The following DENND1A variants were observed in gnomAD, a reference collection of about 807,000 sequenced individuals.
DENND1A encodes DENN domain-containing protein 1A.
Under a neutral mutation model 113.7 loss-of-function variants are expected in DENND1A, and 51 were observed. That is an observed-to-expected ratio of 0.45 (90% CI 0.36 to 0.57). DENND1A has a LOEUF of 0.57. Among genes scored for constraint, DENND1A ranks in the 20% least tolerant of loss-of-function variants. The pLI is 0.00. For missense variants in DENND1A, 1,258 were observed against 1,395.9 expected (o/e 0.90, Z 1.57); for synonymous variants, 565 against 570.8 (o/e 0.99, Z 0.14).
At chr9:123,769,410 A>G (rs980588706) in intron 4 of DENND1A, 104 bp downstream of exon 4, 8 of 1,057,818 alleles carry the variant, frequency 7.6e-6, no homozygotes, top group South Asian at 7.1e-5. Context: ...GGTATCTTAA[A>G]TCATGGTTAA....
intron 1 of DENND1A, among the ~76,000 whole-genome samples, chr9:123,927,708 A>C (rs1165342697): frequency 6.6e-6 from 1 of 152,204 alleles, no homozygotes; most frequent in Admixed American, 6.5e-5. Flanking sequence ...AGAGATAAGC[A>C]AGAGAAAACA....
At chr9:123,383,587 TG>T (rs2042397505) in intron 23 of DENND1A, 67 bp downstream of exon 23, 2 of 1,557,774 alleles carry the variant, frequency 1.3e-6, no homozygotes, top group Non-Finnish European at 1.7e-6. Context: ...CACTGTCACA[TG>T]GGGATCCCAC....
At chr9:123,715,180 C>CAA (rs34230918) in intron 5 of DENND1A, among the ~76,000 whole-genome samples, 1 of 148,110 alleles carries the variant, frequency 6.8e-6, no homozygotes, top group African/African-American at 2.4e-5. Context: ...ACTCTGTCTC[C>CAA]AAAAAAAATA....
chr9:123,750,923 T>G (rs544491614), intron 5 of DENND1A, among the ~76,000 whole-genome samples: 2 of 152,194 alleles, frequency 1.3e-5, no homozygotes, highest in South Asian at 4.1e-4. Context: ...CTGGAATATT[T>G]CAGCAGCACC....
rs551449145 is a variant in DENND1A, at chr9:123,569,966, A to C, written c.868-12271T>G. On this transcript the variant is annotated intron_variant, in intron 12 of 23. Transcript: ENST00000394215. ...GAAGTCCAAACTTGTTTTTGTGACC[A>C]TTCCCAATCTGGTCCCTCCTGTCTA... 1.2e-4 allele frequency among the ~76,000 whole-genome samples: 19 copies of C among 152,290 alleles called. 2 individuals carry two copies. The South Asian group carries it at 3.7e-3, about 30-fold the overall frequency.
At chr9:123,798,740 A>G (rs2132174285) in intron 2 of DENND1A, among the ~76,000 whole-genome samples, 1 of 151,938 alleles carries the variant, frequency 6.6e-6, no homozygotes, top group Non-Finnish European at 1.5e-5. Flanking sequence ...AAAAAAAAAA[A>G]AAAAAAAAAT....
intron 2 of DENND1A, among the ~76,000 whole-genome samples, chr9:123,823,850 GA>G (rs1838891721): frequency 6.6e-6 from 1 of 152,150 alleles, no homozygotes; most frequent in African/African-American, 2.4e-5. Flanking sequence ...GGAGGGAAAA[GA>G]GAACAATTCC....
At chr9:123,408,445 A>T (rs532629906) in intron 20 of DENND1A, among the ~76,000 whole-genome samples, 1 of 152,214 alleles carries the variant, frequency 6.6e-6, no homozygotes, top group South Asian at 2.1e-4. Context: ...GGTGCTATAC[A>T]TACACAACCT....
intron 5 of DENND1A, among the ~76,000 whole-genome samples, chr9:123,742,127 G>C (rs1307494104): frequency 6.6e-6 from 1 of 152,098 alleles, no homozygotes; most frequent in East Asian, 1.9e-4. Flanking sequence ...AGCTCTGCCA[G>C]TTGGCAAACC....
At chr9:123,716,482 C>T (rs990733424) in intron 5 of DENND1A, among the ~76,000 whole-genome samples, 2 of 152,224 alleles carry the variant, frequency 1.3e-5, no homozygotes, top group Non-Finnish European at 2.9e-5. Flanking sequence ...TGGAAGACCG[C>T]TGTAGTCACA....
At chr9:123,678,346 C>T (rs2064225285) in intron 5 of DENND1A, among the ~76,000 whole-genome samples, 1 of 152,138 alleles carries the variant, frequency 6.6e-6, no homozygotes, top group African/African-American at 2.4e-5. Flanking sequence ...GAAAAGTATC[C>T]ACACCCCCAA....
At chr9:123,862,861 T>A (rs1298028004) in intron 2 of DENND1A, among the ~76,000 whole-genome samples, 1 of 152,166 alleles carries the variant, frequency 6.6e-6, no homozygotes, top group Admixed American at 6.5e-5. Context: ...ACTATAAAAC[T>A]CTGATGCAGC....
intron 8 of DENND1A, among the ~76,000 whole-genome samples, chr9:123,657,170 G>A (rs1281096462): frequency 6.6e-6 from 1 of 152,164 alleles, no homozygotes; most frequent in Non-Finnish European, 1.5e-5. Flanking sequence ...TCTCATCTCT[G>A]CAAAGAAACG....
chr9:123,625,229 T>C (rs932815525), intron 10 of DENND1A, among the ~76,000 whole-genome samples: 10 of 152,326 alleles, frequency 6.6e-5, no homozygotes, highest in African/African-American at 2.2e-4. Flanking sequence ...GGTCTACCAA[T>C]CATCTGCGAA....
intron 1 of DENND1A, among the ~76,000 whole-genome samples, chr9:123,883,868 CAAAAAAAAA>C (rs75076282): frequency 1.1e-5 from 1 of 93,986 alleles, no homozygotes. Flanking sequence ...ATGACAGTCT[CAAAAAAAAA>C]AAAAAAAAAG....
At chr9:123,485,358 T>G (rs752745983) in intron 13 of DENND1A, among the ~76,000 whole-genome samples, 3 of 152,214 alleles carry the variant, frequency 2.0e-5, no homozygotes, top group Non-Finnish European at 4.4e-5. Flanking sequence ...TATTTTTGCC[T>G]CTTATTCCAA....
intron 1 of DENND1A, among the ~76,000 whole-genome samples, chr9:123,905,094 A>T (rs1476604596): frequency 6.6e-6 from 1 of 151,842 alleles, no homozygotes; most frequent in Non-Finnish European, 1.5e-5. Context: ...AGAATTTCAT[A>T]TCCAGCCAAA....
chr9:123,855,963 G>C (rs1261354790), intron 2 of DENND1A, among the ~76,000 whole-genome samples: 2 of 152,116 alleles, frequency 1.3e-5, no homozygotes, highest in Non-Finnish European at 2.9e-5. Flanking sequence ...CTTGAACCCG[G>C]GAGGCGGAGG....
At chr9:123,471,553 C>G (rs1391524915) in intron 13 of DENND1A, among the ~76,000 whole-genome samples, 2 of 152,196 alleles carry the variant, frequency 1.3e-5, no homozygotes, top group Non-Finnish European at 2.9e-5. Flanking sequence ...CCGCAACGTA[C>G]AGCAAGAAGA....
Sources: allele counts gnomAD v4.1 joint callset (sites outside exome capture counted in the v4.1 genomes callset), GRCh38; gene constraint gnomAD v4.1.1; transcripts MANE v1.5; gene names NCBI Gene and HGNC (gene_info 2026-07-23, HGNC 2026-07-21).